The following ZBTB46 variants were observed in gnomAD, a reference collection of about 807,000 sequenced individuals.
ZBTB46 encodes zinc finger and BTB domain-containing protein 46.
In ZBTB46, 8 loss-of-function variants were observed where a neutral mutation model predicts 44.1. That is an observed-to-expected ratio of 0.18 (90% CI 0.11 to 0.33). The LOEUF is 0.33. ZBTB46 is among the 10% of genes least tolerant of loss of function. The pLI, the probability that ZBTB46 is intolerant of heterozygous loss-of-function variation, is 1.00. For synonymous variants in ZBTB46, 409 were observed against 382.3 expected, an observed-to-expected ratio of 1.07 and a Z score of -0.81; for missense variants, 651 against 847.7, an observed-to-expected ratio of 0.77 and a Z score of 2.88.
At chr20:63,776,051 C>T in intron 2 of ZBTB46, 89 bp from the exon 3 acceptor site, 1 of 1,435,122 alleles carries the variant, frequency 7.0e-7, no homozygotes, top group Non-Finnish European at 9.2e-7. Flanking sequence ...GGACAGCGAC[C>T]AGCTTCTGCC....
In ZBTB46 at chr20:63,775,896, G is replaced by A. The variant is rs1322837001; in HGVS notation, c.1004C>T (p.Ala335Val). ...DSRGERAELY[A>V]QVEEGLLGGE... ...TCCCAGGAGACCCTCCTCCACCTGT[G>A]CATAGAGCTCGGCCCTCTCTCCTCG... Residue 335 changes from alanine (A) to valine (V), a missense_variant, in exon 3 of 5, where the codon GCA becomes GTA. Physicochemically the swap from Ala to Val is moderately conservative, Grantham distance 64. Transcript: ENST00000245663. 2 of 1,610,230 alleles carry A rather than the reference G, an allele frequency of 1.2e-6. No homozygotes were observed. Among genetic ancestry groups the A allele is most frequent in the South Asian group, 1.1e-5 (1 of 90,930 alleles).
Position 63,775,826 on chromosome 20 carries a change from G to T in ZBTB46, c.1074C>A (p.Asp358Glu). Residue 358 changes from aspartate (D) to glutamate (E), a missense_variant, in exon 3 of 5, where the codon GAC (aspartate) becomes GAA (glutamate). Around this residue, in one of 5 missense-constraint regions of ZBTB46, gnomAD observed 385 missense variants for 423.3 expected, o/e 0.91. Transcript: ENST00000245663. ...YLGPPLTPEK[D>E]DALHQATAVA... The stretch of plus-strand genomic sequence containing the variant: ...CCGCGGTGGCCTGATGCAGGGCGTC[G>T]TCCTTCTCTGGGGTGAGGGGAGGGC... The T allele has an allele frequency of 2.5e-6, 4 of 1,613,416 alleles. No individual in the cohort carries two copies. Among genetic ancestry groups the T allele is most frequent in the South Asian group, 1.1e-5 (1 of 91,070 alleles).
chr20:63,788,617 T>G (rs2092534611), intron 2 of ZBTB46, among the ~76,000 whole-genome samples: 1 of 151,820 alleles, frequency 6.6e-6, no homozygotes, highest in Non-Finnish European at 1.5e-5. Context: ...GGTGGGTGGA[T>G]CACCTGAAGT....
At chr20:63,785,191 C>T (rs1379143606) in intron 2 of ZBTB46, among the ~76,000 whole-genome samples, 1 of 136,486 alleles carries the variant, frequency 7.3e-6, no homozygotes, top group Non-Finnish European at 1.5e-5. Context: ...GAGATTGCAC[C>T]ACTGCACTCC....
intron 3 of ZBTB46, among the ~76,000 whole-genome samples, chr20:63,770,461 T>C (rs920244124): frequency 6.6e-6 from 1 of 152,186 alleles, no homozygotes; most frequent in African/African-American, 2.4e-5. Flanking sequence ...CAGAGATTGA[T>C]GGTCTAGTAA....
At position 63,812,061 on chromosome 20, in the gene ZBTB46, G is replaced by C. The variant is rs537421895; in HGVS notation, c.-34+19036C>G. Among the ~76,000 whole-genome samples the C allele has an allele frequency of 4.6e-5, 7 of 152,112 alleles. No individual in the cohort carries two copies. The South Asian group carries it at 1.2e-3, about 27-fold the overall frequency. On this transcript the variant is annotated intron_variant, in intron 1 of 4. Transcript: ENST00000245663. ...CCACCAAAGTGGCGGCGATCTTTTC[G>C]GAACAAAACTCTCACTAATAGGAAA... is the stretch of plus-strand genomic sequence containing the variant.
intron 1 of ZBTB46, among the ~76,000 whole-genome samples, chr20:63,809,477 C>T (rs1191728125): frequency 1.1e-4 from 17 of 152,216 alleles, no homozygotes; most frequent in Non-Finnish European, 2.9e-5. Flanking sequence ...ACGCGGTCCT[C>T]AGCAAACCTG....
chr20:63,760,161 T>C (rs1379146134), intron 3 of ZBTB46, among the ~76,000 whole-genome samples: 2 of 152,224 alleles, frequency 1.3e-5, no homozygotes, highest in African/African-American at 2.4e-5. Context: ...TCCTTTCTTC[T>C]AGTATTTGGA....
intron 3 of ZBTB46, among the ~76,000 whole-genome samples, chr20:63,770,514 C>T (rs180758167): frequency 2.6e-4 from 39 of 152,318 alleles, no homozygotes; most frequent in African/African-American, 9.1e-4. Context: ...GCCAAGGTTA[C>T]TGGTCCTACA....
In ZBTB46 at chr20:63,787,391, C is replaced by T. The variant is rs1168810933; in HGVS notation, c.937+2430G>A. On this transcript the variant is annotated intron_variant, in intron 2 of 4. Transcript: ENST00000245663. This position sits in a 1 kb window ranked among gnomAD's most constrained non-coding sequence, Gnocchi z 4.6. Reference sequence around the variant, plus strand: ...CTGCAGCAGTGCACAGTTCTGTCCTCAGCCTTCATGTTCCCTCAGCACTCG... The same window carrying T: ...CTGCAGCAGTGCACAGTTCTGTCCTTAGCCTTCATGTTCCCTCAGCACTCG... Among the ~76,000 whole-genome samples the T allele has an allele frequency of 6.6e-6, 1 of 152,252 alleles. No homozygotes were observed. The highest frequency in any genetic ancestry group is 1.5e-5 in the Non-Finnish European group (1 of 68,042).
At chr20:63,789,589 C>T (rs1412260401) in intron 2 of ZBTB46, among the ~76,000 whole-genome samples, 1 of 152,222 alleles carries the variant, frequency 6.6e-6, no homozygotes, top group Non-Finnish European at 1.5e-5. Context: ...GACACCAGTG[C>T]CGTGCTGATG....
At chr20:63,820,560 C>T (rs1264553139) in intron 1 of ZBTB46, among the ~76,000 whole-genome samples, 2 of 151,742 alleles carry the variant, frequency 1.3e-5, no homozygotes, top group African/African-American at 2.4e-5. Flanking sequence ...CTCAGCCTCC[C>T]GAGTAGCTGG....
At chr20:63,790,858 G>C (rs1007749281) in intron 1 of ZBTB46, 68 bp from the exon 2 acceptor site, 24 of 1,448,788 alleles carry the variant, frequency 1.7e-5, no homozygotes, top group Middle Eastern at 1.8e-4. Flanking sequence ...ACGCCGGGCG[G>C]GGCGCAGGAG....
At chr20:63,751,459 C>T (rs1202140556) in intron 4 of ZBTB46, among the ~76,000 whole-genome samples, 1 of 152,168 alleles carries the variant, frequency 6.6e-6, no homozygotes, top group African/African-American at 2.4e-5. Flanking sequence ...CGCCCACAGC[C>T]GGCCAGGCAA....
intron 3 of ZBTB46, among the ~76,000 whole-genome samples, chr20:63,754,605 CTT>C (rs869213375): frequency 7.1e-6 from 1 of 141,782 alleles, no homozygotes; most frequent in African/African-American, 2.6e-5. Context: ...CCCAAAACAA[CTT>C]TTTTTTTTTT....
intron 3 of ZBTB46, among the ~76,000 whole-genome samples, chr20:63,765,013 G>A (rs2092307075): frequency 1.3e-5 from 2 of 151,604 alleles, no homozygotes; most frequent in Admixed American, 1.3e-4. Context: ...CCACCTCCCA[G>A]GTTCAAGTGA....
chr20:63,826,198 G>A (rs1456802854), intron 1 of ZBTB46, among the ~76,000 whole-genome samples: 5 of 152,376 alleles, frequency 3.3e-5, no homozygotes, highest in African/African-American at 1.2e-4. Flanking sequence ...TTTTGTAAAC[G>A]AAAATGTCTT....
At chr20:63,808,944 T>A (rs2092700130) in intron 1 of ZBTB46, among the ~76,000 whole-genome samples, 1 of 121,824 alleles carries the variant, frequency 8.2e-6, no homozygotes, top group African/African-American at 3.2e-5. Context: ...GCCACTGCAC[T>A]CCAGCCTGGG....
At chr20:63,818,587 G>C (rs2092773266) in intron 1 of ZBTB46, among the ~76,000 whole-genome samples, 1 of 152,174 alleles carries the variant, frequency 6.6e-6, no homozygotes, top group Non-Finnish European at 1.5e-5. Context: ...TGGTCGCGGT[G>C]GCTCATGCCT....
Sources: gnomAD v4.1 joint callset for allele counts (sites outside exome capture counted in the v4.1 genomes callset) on GRCh38, gnomAD v4.1.1 for gene constraint, gnomAD v4.1.1 regional missense constraint, Gnocchi (gnomAD v3.1) non-coding constraint, MANE v1.5 for transcripts, NCBI Gene and HGNC (gene_info 2026-07-23, HGNC 2026-07-21) for gene names.